Variants in DAPK3 observed in about 807,000 individuals in gnomAD.
DAPK3 encodes death associated protein kinase 3.
A neutral mutation model predicts 30.6 loss-of-function variants in DAPK3; 24 were observed. That is an observed-to-expected ratio of 0.78 (90% confidence interval 0.57 to 1.10). The LOEUF (loss-of-function observed/expected upper bound fraction) is 1.10, where lower values mean the gene tolerates loss of function less well. DAPK3 is among the 50% of genes least tolerant of loss of function. DAPK3 has a pLI of 0.00. For synonymous variants in DAPK3, 341 were observed against 284.0 expected, an observed-to-expected ratio of 1.20 and a Z score of -2.02; for missense variants, 629 against 657.3, an observed-to-expected ratio of 0.96 and a Z score of 0.47.
chr19:3,961,710 C>T, intron 6 of DAPK3: 1 of 353,908 alleles, frequency 2.8e-6, no homozygotes, highest in Non-Finnish European at 5.7e-6. Flanking sequence ...GACCCGTGAG[C>T]ACAAGTCAGG....
intron 8 of DAPK3, 86 bp from the exon 9 acceptor site, chr19:3,959,723 G>A (rs576666104): frequency 2.1e-6 from 3 of 1,396,820 alleles, no homozygotes; most frequent in East Asian, 5.0e-5. Context: ...CTGAGGTTCA[G>A]GGGCTCATCC....
intron 7 of DAPK3, among the ~76,000 whole-genome samples, chr19:3,960,541 G>A (rs907966693): frequency 6.6e-6 from 1 of 152,128 alleles, no homozygotes; most frequent in Non-Finnish European, 1.5e-5. Context: ...GGGAGACCAA[G>A]GCAGGCAAAT....
At chr19:3,967,750 G>A (rs1486179132) in intron 2 of DAPK3, among the ~76,000 whole-genome samples, 1 of 152,168 alleles carries the variant, frequency 6.6e-6, no homozygotes, top group African/African-American at 2.4e-5. Context: ...GCCAGACACC[G>A]TCTCAAACAA....
chr19:3,968,607 T>C (rs1008076), intron 2 of DAPK3, among the ~76,000 whole-genome samples: 1 of 151,950 alleles, frequency 6.6e-6, no homozygotes, highest in Non-Finnish European at 1.5e-5. Flanking sequence ...TAAAAGAAAT[T>C]TGGCTGAATT....
chr19:3,970,510 C>T (rs1225442774), intron 1 of DAPK3: 3 of 151,796 alleles, frequency 2.0e-5, no homozygotes, highest in African/African-American at 7.3e-5. Context: ...CCATCTCTGA[C>T]TCCCTCCAAT....
intron 6 of DAPK3, 185 bp from the exon 7 acceptor site, chr19:3,961,346 A>G (rs1455943850): frequency 2.7e-6 from 2 of 732,940 alleles, no homozygotes; most frequent in African/African-American, 3.4e-5. Context: ...GAGGCATTCA[A>G]AATCCACCCC....
chr19:3,961,704 C>G (rs563384876), intron 6 of DAPK3: 7 of 355,224 alleles, frequency 2.0e-5, no homozygotes, highest in Admixed American at 1.5e-4. Context: ...ACACCTGACC[C>G]GTGAGCACAA....
chr19:3,960,303 G>C (rs1056752644), intron 7 of DAPK3, among the ~76,000 whole-genome samples, 199 bp from the exon 8 acceptor site: 4 of 152,160 alleles, frequency 2.6e-5, no homozygotes, highest in African/African-American at 9.7e-5. Flanking sequence ...CCTCAGGCTG[G>C]AGTCGCAAAC....
chr19:3,965,026 G>C (rs1344125319), intron 2 of DAPK3, 35 bp from the exon 3 acceptor site: 2 of 1,186,844 alleles, frequency 1.7e-6, no homozygotes, highest in Non-Finnish European at 2.5e-6. Context: ...GGGGGTGGAG[G>C]AGGCGGAGGG....
chr19:3,964,244 C>T lies in DAPK3; in HGVS notation c.553G>A (p.Ala185Thr), dbSNP rs1202135950. 1.2e-6 allele frequency: 2 copies of T among 1,609,518 alleles called. No individual in the cohort carries two copies. The highest frequency in any genetic ancestry group is 3.3e-5 in the Admixed American group (2 of 59,754). The change falls in exon 4 of 9, where the codon GCC becomes ACC. Residue 185 changes from alanine (A) to threonine (T), a missense_variant and splice_region_variant. Ala to Thr is a moderately conservative substitution (Grantham distance 58, BLOSUM62 0). Coordinates refer to ENST00000545797, the MANE Select transcript of DAPK3 (RefSeq NM_001348.3). ...KNIFGTPEFV[A>T]PEIVNYEPLG... ...GGCTGCCCACTGGGCAGGGCCTCAC[C>T]CACAAACTCCGGGGTGCCGAAGATG... is the stretch of plus-strand genomic sequence containing the variant.
In DAPK3 at chr19:3,959,282, G is replaced by T; in HGVS notation, c.1184C>A (p.Ala395Glu). The change falls in exon 9 of 9, where the codon GCG (alanine) becomes GAG (glutamate). Residue 395 changes from alanine (A) to glutamate (E), a missense_variant. Around this residue, in one of 2 missense-constraint regions of DAPK3, gnomAD observed 323 missense variants for 278.8 expected, o/e 1.16. Coordinates refer to ENST00000545797, the MANE Select transcript of DAPK3 (RefSeq NM_001348.3). Reference sequence around the variant, plus strand: ...CAGCGCGCCCTTGGCCTCCTCCTGCGCCTGCCGCTTGAGCGCCTCGGTCTT... The same window carrying T: ...CAGCGCGCCCTTGGCCTCCTCCTGCTCCTGCCGCTTGAGCGCCTCGGTCTT... ...LLKTEALKRQ[A>E]QEEAKGALLG... 1 of 1,596,856 alleles carries T rather than the reference G, an allele frequency of 6.3e-7. No homozygotes were observed. Among genetic ancestry groups the T allele is most frequent in the Non-Finnish European group, 8.5e-7 (1 of 1,178,040 alleles).
At chr19:3,966,070 G>T (rs970325374) in intron 2 of DAPK3, among the ~76,000 whole-genome samples, 1 of 152,082 alleles carries the variant, frequency 6.6e-6, no homozygotes, top group African/African-American at 2.4e-5. Flanking sequence ...AGGTGGAGCC[G>T]CTACATCTGG....
At chr19:3,967,644 A>G (rs1455958987) in intron 2 of DAPK3, among the ~76,000 whole-genome samples, 1 of 152,170 alleles carries the variant, frequency 6.6e-6, no homozygotes, top group Non-Finnish European at 1.5e-5. Context: ...AATTCCAGCT[A>G]CTTGGAAGGC....
At chr19:3,968,207 G>A (rs1175563613) in intron 2 of DAPK3, among the ~76,000 whole-genome samples, 1 of 152,192 alleles carries the variant, frequency 6.6e-6, no homozygotes, top group East Asian at 1.9e-4. Flanking sequence ...AGAGGCTGCT[G>A]TTCCCAGCGG....
At chr19:3,960,365 C>T (rs1318456912) in intron 7 of DAPK3, among the ~76,000 whole-genome samples, 2 of 152,056 alleles carry the variant, frequency 1.3e-5, no homozygotes, top group Non-Finnish European at 2.9e-5. Flanking sequence ...GGGAGGCCTA[C>T]GAGTGAGGGC....
intron 7 of DAPK3, 25 bp from the exon 8 acceptor site, chr19:3,960,129 G>A (rs116661196): frequency 1.4e-6 from 2 of 1,379,470 alleles, no homozygotes; most frequent in Admixed American, 1.7e-5. Flanking sequence ...CTCTGGTTAG[G>A]TACACCTGCA....
At chr19:3,968,984 G>A (rs1025148240) in intron 2 of DAPK3, among the ~76,000 whole-genome samples, 3 of 152,214 alleles carry the variant, frequency 2.0e-5, no homozygotes, top group Admixed American at 6.5e-5. Context: ...CCTGGAAGAG[G>A]AAACCTCTGC....
chr19:3,967,933 C>T (rs530696898), intron 2 of DAPK3, among the ~76,000 whole-genome samples: 2 of 152,330 alleles, frequency 1.3e-5, no homozygotes, highest in South Asian at 2.1e-4. Flanking sequence ...ATGAAATACA[C>T]ACCAGACCTC....
At position 3,958,580 on chromosome 19, in the gene DAPK3, T is replaced by G. The variant is rs1219387777; in HGVS notation, c.*521A>C. 2 of 451,772 alleles carry G rather than the reference T, an allele frequency of 4.4e-6. No individual in the cohort carries two copies. The highest frequency in any genetic ancestry group is 2.4e-5 in the Admixed American group (1 of 41,998). 28.0% of individuals were successfully genotyped at this position (451,772 alleles called of 1,614,324 possible). A position where few individuals can be genotyped will look rare whatever the true frequency, so the allele number is the denominator to read the frequency against. On this transcript the variant is annotated 3_prime_UTR_variant, in exon 9 of 9. Transcript: ENST00000545797. ...GCACCCCACACCCGGGGGACCGGCCTCGGCGAGAAGGGCACACAGTGGAAG... is the reference window on the plus strand; with the variant it reads ...GCACCCCACACCCGGGGGACCGGCCGCGGCGAGAAGGGCACACAGTGGAAG...
Sources: gnomAD v4.1 joint callset for allele counts (sites outside exome capture counted in the v4.1 genomes callset) on GRCh38, gnomAD v4.1.1 for gene constraint, gnomAD v4.1.1 regional missense constraint, MANE v1.5 for transcripts, NCBI Gene and HGNC (gene_info 2026-07-23, HGNC 2026-07-21) for gene names.